Variants in PCLO observed in about 807,000 individuals in gnomAD.
PCLO encodes the protein piccolo presynaptic cytomatrix protein.
A neutral mutation model predicts 427.5 loss-of-function variants in PCLO; 82 were observed. The observed-to-expected ratio is 0.19, with a 90% CI of 0.16 to 0.23. PCLO has a LOEUF of 0.23. PCLO is among the 10% of genes least tolerant of loss of function. PCLO has a pLI of 1.00. For synonymous variants in PCLO, 2,357 were observed against 2,155.4 expected (o/e 1.09, Z -2.59); for missense variants, 6,239 against 6,115.9 (o/e 1.02, Z -0.67).
intron 3 of PCLO, among the ~76,000 whole-genome samples, chr7:83,059,816 T>C (rs2116310108): frequency 6.6e-6 from 1 of 152,114 alleles, no homozygotes; most frequent in South Asian, 2.1e-4. Flanking sequence ...AAGAGCAGAA[T>C]GGAAAGACAT....
rs1437975363 is a variant in PCLO at position 83,037,989 on chromosome 7, T to TTTTA, written c.3301-71503_3301-71502insTAAA. Among the ~76,000 whole-genome samples the TTTTA allele has an allele frequency of 5.9e-4, 8 of 13,596 alleles. 1 individual carries two copies. The highest frequency in any genetic ancestry group is 1.9e-3 in the African/African-American group (7 of 3,698). The allele number at this position is 13,596 out of a possible 152,430, so 8.9% of individuals were successfully genotyped here. A position where few individuals can be genotyped will look rare whatever the true frequency, so the allele number is the denominator to read the frequency against. On this transcript the variant is annotated intron_variant, in intron 3 of 24. Coordinates refer to ENST00000333891, the MANE Select transcript of PCLO (RefSeq NM_033026.6). ...GTTGTGTGGAGGTGTAAGGAGGAGC[T>TTTTA]TATATATATATATATATATATATAT...
At chr7:82,890,833 G>C (rs1793745155) in intron 9 of PCLO, among the ~76,000 whole-genome samples, 1 of 151,846 alleles carries the variant, frequency 6.6e-6, no homozygotes, top group Admixed American at 6.6e-5. Flanking sequence ...GAGAATATTT[G>C]TATTTGGAAG....
chr7:82,788,754 T>C (rs2129468338), intron 22 of PCLO, among the ~76,000 whole-genome samples: 1 of 152,120 alleles, frequency 6.6e-6, no homozygotes, highest in South Asian at 2.1e-4. Flanking sequence ...CTAATCAGAA[T>C]GTGGAAGAGT....
intron 3 of PCLO, among the ~76,000 whole-genome samples, chr7:83,017,483 G>A (rs1204442669): frequency 6.6e-6 from 1 of 151,918 alleles, no homozygotes; most frequent in East Asian, 1.9e-4. Flanking sequence ...GGACACATTT[G>A]TCAATATCTT....
intron 20 of PCLO, among the ~76,000 whole-genome samples, chr7:82,810,691 CA>C (rs1791551092): frequency 6.6e-6 from 1 of 151,692 alleles, no homozygotes; most frequent in Non-Finnish European, 1.5e-5. Flanking sequence ...GGTTCAACAT[CA>C]TTGTGTTTTA....
At chr7:82,898,060 A>C (rs940215768) in intron 9 of PCLO, among the ~76,000 whole-genome samples, 1 of 151,588 alleles carries the variant, frequency 6.6e-6, no homozygotes, top group African/African-American at 2.4e-5. Flanking sequence ...GATAAGCAAA[A>C]TTCATGAGAA....
chr7:83,140,905 A>T (rs889057807), intron 2 of PCLO, among the ~76,000 whole-genome samples: 4 of 152,212 alleles, frequency 2.6e-5, no homozygotes, highest in African/African-American at 9.6e-5. Context: ...ACACATAGTA[A>T]CTATAATACA....
At chr7:83,044,528 A>G (rs1427750780) in intron 3 of PCLO, among the ~76,000 whole-genome samples, 2 of 152,192 alleles carry the variant, frequency 1.3e-5, no homozygotes, top group Non-Finnish European at 2.9e-5. Context: ...TGTGTCTTTT[A>G]CCATCAAAAT....
In PCLO at chr7:83,010,908, C is replaced by A. The variant is rs1006286454; in HGVS notation, c.3301-44421G>T. Among the ~76,000 whole-genome samples, 3 of 152,026 alleles carry A rather than the reference C, an allele frequency of 2.0e-5. No individual in the cohort carries two copies. In the East Asian group the frequency reaches 5.8e-4, roughly 29 times the overall value. ...TATCACCATACTCTCTTGCTTTCGACCCATATGAATACCTGTCATACCCAA... is the reference window on the plus strand; with the variant it reads ...TATCACCATACTCTCTTGCTTTCGAACCATATGAATACCTGTCATACCCAA... On this transcript the variant is annotated intron_variant, in intron 3 of 24. Transcript: ENST00000333891.
chr7:82,847,077 T>G lies in PCLO; in HGVS notation c.13763+62A>C. 3.6e-6 allele frequency: 3 copies of G among 835,544 alleles called. No homozygotes were observed. The South Asian group carries it at 4.7e-5, about 13-fold the overall frequency. 51.8% of individuals were successfully genotyped at this position (835,544 alleles called of 1,614,324 possible). On this transcript the variant is annotated intron_variant, in intron 11 of 24. Coordinates refer to ENST00000333891, the MANE Select transcript of PCLO (RefSeq NM_033026.6). Reference sequence around the variant, plus strand: ...CTGGCAAAGGTTCCACCTTAACAATTTTAAATTAAAAGAGTCATGGATAGC... The same window carrying G: ...CTGGCAAAGGTTCCACCTTAACAATGTTAAATTAAAAGAGTCATGGATAGC...
chr7:83,122,124 C>T (rs1791295843), intron 3 of PCLO, among the ~76,000 whole-genome samples: 1 of 152,136 alleles, frequency 6.6e-6, no homozygotes, highest in Non-Finnish European at 1.5e-5. Context: ...ATGACAAAAA[C>T]CATTGCAAAA....
chr7:82,993,248 GAT>G (rs1796418568), intron 3 of PCLO, among the ~76,000 whole-genome samples: 1 of 151,726 alleles, frequency 6.6e-6, no homozygotes, highest in Admixed American at 6.6e-5. Context: ...TTTATATAGA[GAT>G]ATAATAAATG....
At chr7:82,862,516 A>G (rs558910059) in intron 10 of PCLO, among the ~76,000 whole-genome samples, 1 of 146,938 alleles carries the variant, frequency 6.8e-6, no homozygotes, top group African/African-American at 2.5e-5. Context: ...TTATTGCTAC[A>G]CTGTTTACAA....
At chr7:82,820,960 G>GTGA (rs1257433980) in intron 20 of PCLO, 2 of 1,228,456 alleles carry the variant, frequency 1.6e-6, no homozygotes, top group African/African-American at 1.6e-5. Context: ...GACTTACATG[G>GTGA]TGATGATGAA....
intron 6 of PCLO, among the ~76,000 whole-genome samples, chr7:82,933,657 C>T (rs534732875): frequency 7.9e-5 from 12 of 151,892 alleles, no homozygotes; most frequent in African/African-American, 1.9e-4. Context: ...TCAATGCTGA[C>T]ATTGAACATT....
At position 82,914,869 on chromosome 7, in the gene PCLO, T is replaced by C; in HGVS notation, c.13117A>G (p.Met4373Val). 6.2e-7 allele frequency: 1 copy of C among 1,613,640 alleles called. No homozygotes were observed. The highest frequency in any genetic ancestry group is 1.1e-5 in the South Asian group (1 of 91,084). The change falls in exon 7 of 25, where the codon ATG (methionine) becomes GTG (valine). Residue 4373 changes from methionine (M) to valine (V), a missense_variant. By Grantham distance (21) the Met-to-Val change is conservative. Coordinates refer to ENST00000333891, the MANE Select transcript of PCLO (RefSeq NM_033026.6). ...AGGGGTCCAGCTGCAGCCCTGGCCATTCCCATTGGCTGGCCAACAGGACTG... is the reference window on the plus strand; with the variant it reads ...AGGGGTCCAGCTGCAGCCCTGGCCACTCCCATTGGCTGGCCAACAGGACTG... The part of the protein sequence containing the change: ...PLSPVGQPMG[M>V]ARAAAGPLPP...
In PCLO at chr7:82,902,688, T is replaced by C. The variant is rs750454181; in HGVS notation, c.13491A>G (p.Ile4497Met). ...GATCCTTTGAGTCTCTTGTTATTTT[T>C]ATCCTTGCGTGAGGAAAGATGTAGT... Reference protein sequence around the residue: ...TMHYIFPHARIKITRDSKDHT... With the variant: ...TMHYIFPHARMKITRDSKDHT... Residue 4497 changes from isoleucine (I) to methionine (M), a missense_variant, in exon 9 of 25, where the codon ATA becomes ATG. Ile to Met is a conservative substitution (Grantham distance 10, BLOSUM62 1). Coordinates refer to ENST00000333891, the MANE Select transcript of PCLO (RefSeq NM_033026.6). The C allele has an allele frequency of 5.6e-6, 9 of 1,601,186 alleles. No homozygotes were observed. In the East Asian group the frequency reaches 1.8e-4, roughly 32 times the overall value.
intron 3 of PCLO, among the ~76,000 whole-genome samples, chr7:83,122,796 A>T (rs1791322576): frequency 6.6e-6 from 1 of 152,214 alleles, no homozygotes; most frequent in Non-Finnish European, 1.5e-5. Context: ...AAATTTGTAG[A>T]ATACAAAATC....
intron 15 of PCLO, among the ~76,000 whole-genome samples, chr7:82,836,947 A>G (rs1391822030): frequency 2.0e-5 from 3 of 152,126 alleles, no homozygotes; most frequent in Non-Finnish European, 4.4e-5. Flanking sequence ...AAAACAGTCT[A>G]TTTTGGTGAA....
Sources: gnomAD v4.1 joint callset for allele counts (sites outside exome capture counted in the v4.1 genomes callset) on GRCh38, gnomAD v4.1.1 for gene constraint, MANE v1.5 for transcripts, NCBI Gene and HGNC (gene_info 2026-07-23, HGNC 2026-07-21) for gene names.